Variants in SPDYC observed in about 807,000 individuals in gnomAD.
The protein encoded by SPDYC is speedy protein C.
A neutral mutation model predicts 33.9 loss-of-function variants in SPDYC; 25 were observed. That is an observed-to-expected ratio of 0.74 (90% CI 0.54 to 1.03). The LOEUF (loss-of-function observed/expected upper bound fraction) is 1.03, where lower values mean the gene tolerates loss of function less well. SPDYC is among the 50% of genes least tolerant of loss of function. The pLI is 0.00. For synonymous variants in SPDYC, 133 were observed against 140.2 expected (o/e 0.95, Z 0.36); for missense variants, 349 against 382.9 (o/e 0.91, Z 0.74).
At chr11:65,172,533 C>T in exon 5 of SPDYC, 1 of 1,576,176 alleles carries the variant, frequency 6.3e-7, no homozygotes, top group Admixed American at 1.8e-5. Flanking sequence ...TGGGGAAATT[C>T]CTGCACCAGA....
At chr11:65,170,605 CT>C (rs138182020) in intron 1 of SPDYC, among the ~76,000 whole-genome samples, 4 of 148,102 alleles carry the variant, frequency 2.7e-5, no homozygotes, top group Admixed American at 2.0e-4. Flanking sequence ...TTTTTTTTTT[CT>C]TTTTTTTTGG....
chr11:65,170,363 G>A (rs1317721906), intron 1 of SPDYC, 102 bp downstream of exon 1: 5 of 1,227,492 alleles, frequency 4.1e-6, no homozygotes, highest in African/African-American at 1.6e-5. Flanking sequence ...CCTCGGCCCC[G>A]TGGTTGGCTT....
At position 65,173,100 on chromosome 11, in the gene SPDYC, C is replaced by T. The variant is rs1948458890; in HGVS notation, c.848-83C>T. 3 of 1,598,382 alleles carry T rather than the reference C, an allele frequency of 1.9e-6. No homozygotes were observed. In the East Asian group the frequency reaches 6.7e-5, roughly 36 times the overall value. On this transcript the variant is annotated intron_variant, in intron 6 of 6. Transcript: ENST00000377185. ...GGACCAACAATATGAGAGAGAGGGC[C>T]ATGGGCCTGGGGTCGACGTGCTGCC...
intron 1 of SPDYC, 24 bp downstream of exon 1, chr11:65,170,285 C>A: frequency 5.1e-6 from 8 of 1,570,596 alleles, no homozygotes; most frequent in Non-Finnish European, 6.9e-6. Flanking sequence ...CAGGAGGAGG[C>A]TGGGTTGCTT....
Position 65,172,903 on chromosome 11 carries a change from C to T in SPDYC, c.736C>T (p.Arg246Cys), listed in dbSNP as rs1321049861. The T allele has an allele frequency of 1.4e-5, 22 of 1,614,010 alleles. No individual in the cohort carries two copies. Among genetic ancestry groups the T allele is most frequent in the South Asian group, 2.2e-5 (2 of 91,086 alleles). Reference sequence around the variant, plus strand: ...CCCTTCTCTGACCTCTGAATGTCATCGCCCTCCCTCCCAAAATTATCTCTC... The same window carrying T: ...CCCTTCTCTGACCTCTGAATGTCATTGCCCTCCCTCCCAAAATTATCTCTC... The change falls in exon 6 of 7, where the codon CGC (arginine) becomes TGC (cysteine). Residue 246 changes from arginine (R) to cysteine (C), a missense_variant. By Grantham distance (180) the Arg-to-Cys change is radical. Coordinates refer to ENST00000377185, the Ensembl canonical transcript of SPDYC.
chr11:65,171,026 A>G (rs1002607662), intron 1 of SPDYC, among the ~76,000 whole-genome samples: 2 of 152,090 alleles, frequency 1.3e-5, no homozygotes, highest in African/African-American at 2.4e-5. Context: ...AGGATGGAAT[A>G]AGATAAGGCC....
chr11:65,171,786 T>C (rs1019826521), intron 2 of SPDYC, among the ~76,000 whole-genome samples, 157 bp from the exon 3 acceptor site: 3 of 152,078 alleles, frequency 2.0e-5, no homozygotes, highest in African/African-American at 7.2e-5. Flanking sequence ...ACTCCATTTC[T>C]ATTTATATTA....
exon 5 of SPDYC, chr11:65,172,551 G>A (rs763216217): frequency 6.4e-7 from 1 of 1,566,616 alleles, no homozygotes; most frequent in Non-Finnish European, 8.7e-7. Flanking sequence ...AGAGGGATAA[G>A]CTTTGGGCAC....
At chr11:65,171,657 A>G (rs1292347311) in intron 2 of SPDYC, among the ~76,000 whole-genome samples, 158 bp downstream of exon 2, 1 of 152,112 alleles carries the variant, frequency 6.6e-6, no homozygotes, top group Non-Finnish European at 1.5e-5. Context: ...GTCCTCTCAG[A>G]AACTGGATTC....
chr11:65,171,397 A>G, exon 2 of SPDYC: 1 of 1,610,314 alleles, frequency 6.2e-7, no homozygotes. Flanking sequence ...CCCTGTAGTT[A>G]CCACCCAGGT....
At chr11:65,173,045 C>T in intron 6 of SPDYC, 31 bp downstream of exon 6, 2 of 1,605,568 alleles carry the variant, frequency 1.2e-6, no homozygotes, top group Non-Finnish European at 1.7e-6. Flanking sequence ...GAGCTGGGGG[C>T]TGGTGTGGGA....
chr11:65,170,275 CAGG>C lies in SPDYC; in HGVS notation c.26+21_26+23del. 6.3e-7 allele frequency: 1 copy of C among 1,576,618 alleles called. No homozygotes were observed. Among genetic ancestry groups the C allele is most frequent in the Non-Finnish European group, 8.6e-7 (1 of 1,159,952 alleles). Reference sequence around the variant, plus strand: ...TCCTGAGCTCGGGTAAGGCTCGCTGCAGGAGGAGGCTGGGTTGCTTGCGGGCGC... The same window carrying C: ...TCCTGAGCTCGGGTAAGGCTCGCTGCAGGAGGCTGGGTTGCTTGCGGGCGC... On this transcript the variant is annotated intron_variant, in intron 1 of 6. Coordinates refer to ENST00000377185, the Ensembl canonical transcript of SPDYC.
intron 1 of SPDYC, among the ~76,000 whole-genome samples, chr11:65,170,900 A>G (rs1326243435): frequency 6.6e-6 from 1 of 151,876 alleles, no homozygotes; most frequent in Non-Finnish European, 1.5e-5. Context: ...ACAAACAAAA[A>G]CCAAAAAACC....
intron 1 of SPDYC, among the ~76,000 whole-genome samples, chr11:65,170,588 T>G (rs1460588516): frequency 6.6e-6 from 1 of 150,984 alleles, no homozygotes; most frequent in Non-Finnish European, 1.5e-5. Flanking sequence ...GCAGTTAAAC[T>G]CTTGGGTTTT....
chr11:65,170,817 A>C (rs990718612), intron 1 of SPDYC, among the ~76,000 whole-genome samples: 4 of 152,080 alleles, frequency 2.6e-5, no homozygotes, highest in Admixed American at 2.6e-4. Flanking sequence ...CGGGAGGCGG[A>C]GGTTGCAGTG....
At chr11:65,170,594 G>T (rs1272064162) in intron 1 of SPDYC, among the ~76,000 whole-genome samples, 1 of 147,626 alleles carries the variant, frequency 6.8e-6, no homozygotes, top group Non-Finnish European at 1.5e-5. Flanking sequence ...AAACTCTTGG[G>T]TTTTTTTTTT....
At chr11:65,170,896 A>C (rs1948423152) in intron 1 of SPDYC, among the ~76,000 whole-genome samples, 2 of 146,216 alleles carry the variant, frequency 1.4e-5, no homozygotes, top group Non-Finnish European at 2.9e-5. Context: ...ACAAACAAAC[A>C]AAAACCAAAA....
At chr11:65,171,826 GA>G in intron 2 of SPDYC, 116 bp from the exon 3 acceptor site, 1 of 890,578 alleles carries the variant, frequency 1.1e-6, no homozygotes, top group Non-Finnish European at 1.8e-6. Flanking sequence ...GAAAAAGGGA[GA>G]AAAAGAGAAA....
Position 65,173,020 on chromosome 11 carries a change from T to G in SPDYC, c.847+6T>G, listed in dbSNP as rs548764472. The G allele has an allele frequency of 6.2e-7, 1 of 1,612,150 alleles. No homozygotes were observed. ...AGGCACCTACTCCCTCCGCAGTGAG[T>G]GCAGGATGGGACAGGAGCTGGGGGC... On this transcript the variant is annotated splice_donor_region_variant and intron_variant, in intron 6 of 6. Coordinates refer to ENST00000377185, the Ensembl canonical transcript of SPDYC.
Sources: gnomAD v4.1 joint callset for allele counts (sites outside exome capture counted in the v4.1 genomes callset) on GRCh38, gnomAD v4.1.1 for gene constraint, MANE v1.5 for transcripts, NCBI Gene and HGNC (gene_info 2026-07-23, HGNC 2026-07-21) for gene names.